Variants in ZC3H7B observed in about 807,000 individuals in gnomAD.
ZC3H7B encodes the protein zinc finger CCCH-type containing 7B.
In ZC3H7B, 35 loss-of-function variants were observed where a neutral mutation model predicts 116.0. The observed-to-expected ratio is 0.30, with a 90% CI of 0.23 to 0.40. The LOEUF (loss-of-function observed/expected upper bound fraction) is 0.40. ZC3H7B is among the 10% of genes least tolerant of loss of function. The pLI, the probability that ZC3H7B is intolerant of heterozygous loss-of-function variation, is 1.00. For synonymous variants in ZC3H7B, 502 were observed against 545.6 expected (o/e 0.92, Z 1.11); for missense variants, 1,011 against 1,321.5 (o/e 0.77, Z 3.64).
At position 41,327,465 on chromosome 22, in the gene ZC3H7B, A is replaced by T; in HGVS notation, c.444+101A>T. 1 of 1,469,482 alleles carries T rather than the reference A, an allele frequency of 6.8e-7. No homozygotes were observed. The allele number at this position is 1,469,482 out of a possible 1,614,324, so 91.0% of individuals were successfully genotyped here. ...CAGCCACCACATCCTTCTGTGTCTCACTTCCTCCCCTGTGACATGGCCATG... is the reference window on the plus strand; with the variant it reads ...CAGCCACCACATCCTTCTGTGTCTCTCTTCCTCCCCTGTGACATGGCCATG... On this transcript the variant is annotated intron_variant, in intron 5 of 22. Coordinates refer to ENST00000352645, the MANE Select transcript of ZC3H7B (RefSeq NM_017590.6). This position sits in a 1 kb window ranked among gnomAD's most constrained non-coding sequence, Gnocchi z 4.5.
intron 6 of ZC3H7B, among the ~76,000 whole-genome samples, chr22:41,330,443 T>C (rs929026312): frequency 6.6e-6 from 1 of 152,240 alleles, no homozygotes. Flanking sequence ...ATTTGAAGTG[T>C]TGGTATCTGT....
At chr22:41,303,117 T>C (rs2035994890) in intron 1 of ZC3H7B, among the ~76,000 whole-genome samples, 1 of 152,194 alleles carries the variant, frequency 6.6e-6, no homozygotes, top group African/African-American at 2.4e-5. Flanking sequence ...AGCCATCCCC[T>C]CCGTGGTGGT....
intron 9 of ZC3H7B, 26 bp from the exon 10 acceptor site, chr22:41,339,790 C>A: frequency 6.4e-7 from 1 of 1,559,846 alleles, no homozygotes; most frequent in Non-Finnish European, 8.7e-7. Context: ...TTTCCTCTGA[C>A]CCCTCCCTCT....
At chr22:41,350,763 T>C (rs1290018113) in intron 16 of ZC3H7B, among the ~76,000 whole-genome samples, 1 of 152,166 alleles carries the variant, frequency 6.6e-6, no homozygotes, top group African/African-American at 2.4e-5. Context: ...TGTGGGGATC[T>C]GGAGGTTCAC....
intron 7 of ZC3H7B, among the ~76,000 whole-genome samples, chr22:41,337,621 G>A (rs2036463287): frequency 6.6e-6 from 1 of 152,216 alleles, no homozygotes; most frequent in Admixed American, 6.5e-5. Flanking sequence ...GGGCACTTTT[G>A]TCTTTGAACT....
rs1392525099 is a variant in ZC3H7B at position 41,355,946 on chromosome 22, C to T, written c.2275-8C>T. On this transcript the variant is annotated splice_region_variant and splice_polypyrimidine_tract_variant and intron_variant, in intron 19 of 22. Transcript: ENST00000352645. ...GACTCAGAGGATCTCCCCACGCCCA[C>T]CCCACAGCTCTGCATCCATGCACAG... 1.9e-6 allele frequency: 3 copies of T among 1,592,552 alleles called. No individual in the cohort carries two copies. In the East Asian group the frequency reaches 6.7e-5, roughly 36 times the overall value.
intron 1 of ZC3H7B, 99 bp from the exon 2 acceptor site, chr22:41,320,555 TG>T: frequency 7.6e-7 from 1 of 1,321,140 alleles, no homozygotes; most frequent in Non-Finnish European, 1.1e-6. Context: ...GGAATGAGAG[TG>T]GGAGTGAGAG....
At chr22:41,329,275 T>C (rs1281243662) in intron 5 of ZC3H7B, among the ~76,000 whole-genome samples, 1 of 149,836 alleles carries the variant, frequency 6.7e-6, no homozygotes, top group Non-Finnish European at 1.5e-5. Flanking sequence ...TTTTTTTTTT[T>C]TGAGACAGGG....
chr22:41,349,805 T>C lies in ZC3H7B; in HGVS notation c.1948+504T>C, dbSNP rs1387178496. 6.6e-6 allele frequency among the ~76,000 whole-genome samples: 1 copy of C among 152,236 alleles called. No individual in the cohort carries two copies. Among genetic ancestry groups the C allele is most frequent in the Non-Finnish European group, 1.5e-5 (1 of 68,026 alleles). The stretch of plus-strand genomic sequence containing the variant: ...TCAGCCATGGTCTAGTCGAGGCCCT[T>C]ACTTTCAGAGAACCTACATTTATAA... On this transcript the variant is annotated intron_variant, in intron 16 of 22. Transcript: ENST00000352645. The surrounding 1 kb of genome is among the most constrained non-coding windows in gnomAD (Gnocchi z 4.9).
At chr22:41,303,357 A>G (rs1169397496) in intron 1 of ZC3H7B, among the ~76,000 whole-genome samples, 1 of 152,156 alleles carries the variant, frequency 6.6e-6, no homozygotes, top group Non-Finnish European at 1.5e-5. Context: ...TGGCTTTTGT[A>G]TAGGTTAGAC....
chr22:41,327,473 C>T lies in ZC3H7B; in HGVS notation c.444+109C>T. ...ACATCCTTCTGTGTCTCACTTCCTC[C>T]CCTGTGACATGGCCATGCAGATCCT... On this transcript the variant is annotated intron_variant, in intron 5 of 22. Coordinates refer to ENST00000352645, the MANE Select transcript of ZC3H7B (RefSeq NM_017590.6). The surrounding 1 kb of genome is among the most constrained non-coding windows in gnomAD (Gnocchi z 4.5). The T allele has an allele frequency of 4.9e-6, 7 of 1,417,310 alleles. No homozygotes were observed. The highest frequency in any genetic ancestry group is 6.7e-6 in the Non-Finnish European group (7 of 1,047,236). The allele number at this position is 1,417,310 out of a possible 1,614,324, so 87.8% of individuals were successfully genotyped here.
chr22:41,330,252 G>T, intron 6 of ZC3H7B, 149 bp downstream of exon 6: 1 of 774,172 alleles, frequency 1.3e-6, no homozygotes, highest in African/African-American at 1.7e-5. Context: ...CTTGTCTGTT[G>T]GCTGAAAGCC....
chr22:41,356,155 C>A, intron 20 of ZC3H7B, 93 bp downstream of exon 20: 1 of 1,431,832 alleles, frequency 7.0e-7, no homozygotes, highest in Non-Finnish European at 9.4e-7. Flanking sequence ...GCGTCCACTG[C>A]ACCCCTTTGC....
rs2036611714 is a variant in ZC3H7B, at chr22:41,348,158, A to C, written c.1757A>C (p.Tyr586Ser). ...CSNLAAKHSFYNNKCLVHIVR... is the reference protein window; with the variant it reads ...CSNLAAKHSFSNNKCLVHIVR... ...AACCTGGCTGCCAAGCACAGCTTCTACAACAACAAGTGAGTGGGACCCTCA... is the reference window on the plus strand; with the variant it reads ...AACCTGGCTGCCAAGCACAGCTTCTCCAACAACAAGTGAGTGGGACCCTCA... The change falls in exon 15 of 23, where the codon TAC (tyrosine) becomes TCC (serine). Residue 586 changes from tyrosine (Y) to serine (S), a missense_variant. Tyr to Ser is a moderately radical substitution (Grantham distance 144). Coordinates refer to ENST00000352645, the MANE Select transcript of ZC3H7B (RefSeq NM_017590.6). 6.2e-7 allele frequency: 1 copy of C among 1,613,648 alleles called. No homozygotes were observed. Among genetic ancestry groups the C allele is most frequent in the Non-Finnish European group, 8.5e-7 (1 of 1,179,776 alleles).
intron 2 of ZC3H7B, 109 bp from the exon 3 acceptor site, chr22:41,325,455 C>A: frequency 7.0e-7 from 1 of 1,434,882 alleles, no homozygotes; most frequent in Non-Finnish European, 9.6e-7. Flanking sequence ...TCTGTTCACC[C>A]TAGTCCACAA....
intron 1 of ZC3H7B, among the ~76,000 whole-genome samples, chr22:41,317,327 C>CA (rs1259162757): frequency 5.9e-5 from 9 of 152,302 alleles, no homozygotes; most frequent in Admixed American, 6.5e-5. Context: ...CATTCCTGGG[C>CA]AACAGCCATG....
At chr22:41,316,416 G>T (rs111362895) in intron 1 of ZC3H7B, among the ~76,000 whole-genome samples, 12 of 146,436 alleles carry the variant, frequency 8.2e-5, no homozygotes, top group Non-Finnish European at 1.8e-4. Flanking sequence ...CAGCATCACC[G>T]TCCGGAGAAG....
chr22:41,343,424 C>T lies in ZC3H7B; in HGVS notation c.1307C>T (p.Ala436Val). 3 of 1,610,230 alleles carry T rather than the reference C, an allele frequency of 1.9e-6. No homozygotes were observed. The highest frequency in any genetic ancestry group is 2.5e-6 in the Non-Finnish European group (3 of 1,177,208). Residue 436 changes from alanine (A) to valine (V), a missense_variant, in exon 13 of 23, where the codon GCT becomes GTT. Ala to Val is a moderately conservative substitution (Grantham distance 64). Around this residue, in one of 5 missense-constraint regions of ZC3H7B, gnomAD observed 179 missense variants for 178.5 expected, o/e 1.00. Coordinates refer to ENST00000352645, the MANE Select transcript of ZC3H7B (RefSeq NM_017590.6). ...QLCYPKTGPR[A>V]GDYTYREGLE... ...TCCACCCTGCCCATAGGCCCCCGGG[C>T]TGGCGACTACACCTACCGTGAGGGC... is the stretch of plus-strand genomic sequence containing the variant.
chr22:41,344,668 CAGAG>C (rs948971570), intron 13 of ZC3H7B, among the ~76,000 whole-genome samples: 3 of 152,204 alleles, frequency 2.0e-5, no homozygotes, highest in Non-Finnish European at 2.9e-5. Context: ...AAGAGCCTGG[CAGAG>C]AGATGGGACA....
Sources: gnomAD v4.1 joint callset for allele counts (sites outside exome capture counted in the v4.1 genomes callset) on GRCh38, gnomAD v4.1.1 for gene constraint, gnomAD v4.1.1 regional missense constraint, Gnocchi (gnomAD v3.1) non-coding constraint, MANE v1.5 for transcripts, NCBI Gene and HGNC (gene_info 2026-07-23, HGNC 2026-07-21) for gene names.